The following IQSEC1 variants were observed in gnomAD, a reference collection of about 807,000 sequenced individuals.
IQSEC1 encodes the protein IQ motif and SEC7 domain-containing protein 1.
A neutral mutation model predicts 91.0 loss-of-function variants in IQSEC1; 31 were observed. That is an observed-to-expected ratio of 0.34 (90% CI 0.26 to 0.46). IQSEC1 has a LOEUF of 0.46. Among genes scored for constraint, IQSEC1 ranks in the 20% least tolerant of loss-of-function variants. The pLI, the probability that IQSEC1 is intolerant of heterozygous loss-of-function variation, is 1.00. For synonymous variants in IQSEC1, 699 were observed against 662.6 expected, an observed-to-expected ratio of 1.05 and a Z score of -0.84; for missense variants, 1,388 against 1,575.6, an observed-to-expected ratio of 0.88 and a Z score of 2.02.
At chr3:12,956,774 C>T (rs1400253798) in intron 1 of IQSEC1, among the ~76,000 whole-genome samples, 1 of 152,160 alleles carries the variant, frequency 6.6e-6, no homozygotes, top group Non-Finnish European at 1.5e-5. Flanking sequence ...TACGTGCAAT[C>T]GGGAGACCAG....
chr3:13,173,407 G>A (rs558125872), intron 1 of IQSEC1, among the ~76,000 whole-genome samples: 3 of 152,190 alleles, frequency 2.0e-5, no homozygotes, highest in African/African-American at 7.2e-5. Flanking sequence ...GCTCCCCCGG[G>A]GGCCTTGCTC....
chr3:13,087,150 A>G (rs1476959615), intron 2 of IQSEC1, among the ~76,000 whole-genome samples: 1 of 151,384 alleles, frequency 6.6e-6, no homozygotes, highest in Non-Finnish European at 1.5e-5. Flanking sequence ...TTCTTCCTAC[A>G]GTCTAAATCT....
rs1209684760 is a variant in IQSEC1, at chr3:13,008,843, C to T, written c.23+64149G>A. ...TCCAGCTAACCCAGTGGGAACCAGA[C>T]ACGCTGGCAAACCCCATCCCACGGG... is the stretch of plus-strand genomic sequence containing the variant. On this transcript the variant is annotated intron_variant, in intron 1 of 13. Transcript: ENST00000613206. The surrounding 1 kb of genome is among the most constrained non-coding windows in gnomAD (Gnocchi z 4.1). Among the ~76,000 whole-genome samples the T allele has an allele frequency of 6.6e-6, 1 of 152,236 alleles. No individual in the cohort carries two copies. Among genetic ancestry groups the T allele is most frequent in the Non-Finnish European group, 1.5e-5 (1 of 68,038 alleles).
chr3:13,084,608 C>T (rs1705704645), intron 2 of IQSEC1, among the ~76,000 whole-genome samples: 1 of 152,240 alleles, frequency 6.6e-6, no homozygotes, highest in African/African-American at 2.4e-5. Flanking sequence ...TCAACAGCAT[C>T]TGCCAGTCCC....
chr3:13,071,735 G>A (rs1198492538), intron 1 of IQSEC1, among the ~76,000 whole-genome samples: 1 of 151,804 alleles, frequency 6.6e-6, no homozygotes, highest in African/African-American at 2.4e-5. Flanking sequence ...AGAGGCCACC[G>A]CCATCCCCCA....
At position 13,178,700 on chromosome 3, in the gene IQSEC1, C is replaced by T. The variant is rs115765318; in HGVS notation, c.273-14567G>A. ...AAAGAAAGCAAACATGAGCACTAACCTACTCCAAATACTGGAAAAAGTAAC... is the reference window on the plus strand; with the variant it reads ...AAAGAAAGCAAACATGAGCACTAACTTACTCCAAATACTGGAAAAAGTAAC... On this transcript the variant is annotated intron_variant, in intron 1 of 15. Transcript: ENST00000648114. Among the ~76,000 whole-genome samples the T allele has an allele frequency of 5.1e-3, 776 of 152,342 alleles. 2 individuals are homozygous for T. Among genetic ancestry groups the T allele is most frequent in the Middle Eastern group, 0.017 (5 of 294 alleles).
chr3:13,118,833 C>G (rs1448960133), intron 2 of IQSEC1, among the ~76,000 whole-genome samples: 1 of 151,994 alleles, frequency 6.6e-6, no homozygotes, highest in Non-Finnish European at 1.5e-5. Flanking sequence ...CTCAGCACTT[C>G]GGGAGGCCAA....
chr3:12,913,361 G>A, intron 9 of IQSEC1, 67 bp downstream of exon 9: 1 of 1,496,244 alleles, frequency 6.7e-7, no homozygotes, highest in Non-Finnish European at 9.0e-7. Context: ...CACGCAGACA[G>A]CCAGACATGG....
At chr3:12,962,688 C>T (rs1373320776) in intron 1 of IQSEC1, among the ~76,000 whole-genome samples, 1 of 152,224 alleles carries the variant, frequency 6.6e-6, no homozygotes, top group East Asian at 1.9e-4. Flanking sequence ...GACCCTGCTC[C>T]AAGCAGAGTC....
At chr3:12,939,584 G>A (rs1388208446) in intron 2 of IQSEC1, among the ~76,000 whole-genome samples, 1 of 152,212 alleles carries the variant, frequency 6.6e-6, no homozygotes, top group African/African-American at 2.4e-5. Context: ...CTTTTGCTGA[G>A]CTTTCCAGGA....
chr3:13,196,672 A>T (rs1339919380), intron 1 of IQSEC1, among the ~76,000 whole-genome samples: 1 of 152,180 alleles, frequency 6.6e-6, no homozygotes, highest in East Asian at 1.9e-4. Context: ...TCCCTTTGCA[A>T]ATGAAAGGTA....
intron 1 of IQSEC1, among the ~76,000 whole-genome samples, chr3:13,034,073 C>A (rs932300472): frequency 4.6e-5 from 7 of 152,282 alleles, no homozygotes; most frequent in Non-Finnish European, 7.4e-5. Flanking sequence ...ACCTTATTTC[C>A]AAATACAGTC....
intron 12 of IQSEC1, among the ~76,000 whole-genome samples, chr3:12,906,485 A>G (rs1403293972): frequency 6.6e-6 from 1 of 152,020 alleles, no homozygotes; most frequent in African/African-American, 2.4e-5. Flanking sequence ...CTGGACTCAA[A>G]CCCCACCTCG....
intron 2 of IQSEC1, among the ~76,000 whole-genome samples, chr3:13,096,562 T>A (rs970830655): frequency 2.0e-5 from 3 of 151,958 alleles, no homozygotes; most frequent in Non-Finnish European, 4.4e-5. Context: ...ATGAGGTGAG[T>A]TTTGAAGGAT....
rs1351164196 is a variant in IQSEC1, at chr3:13,073,223, T to A, written c.-209A>T. On this transcript the variant is annotated 5_prime_UTR_variant, in exon 1 of 14. Coordinates refer to ENST00000613206, the MANE Select transcript of IQSEC1 (RefSeq NM_001134382.3). ...GCCAGCAGCGGGCTGTGGAGGGCCC[T>A]GGCACGTAGCGCGCGCTCACACCGT... is the stretch of plus-strand genomic sequence containing the variant. 9 of 621,230 alleles carry A rather than the reference T, an allele frequency of 1.4e-5. No homozygotes were observed. Among genetic ancestry groups the A allele is most frequent in the Non-Finnish European group, 5.7e-6 (2 of 352,208 alleles). The allele number at this position is 621,230 out of a possible 1,614,324, so 38.5% of individuals were successfully genotyped here.
rs1056840887 is a variant in IQSEC1 at position 12,935,237 on chromosome 3, T to C, written c.1568+211A>G. ...ATTCTGCCCCTGCTCAGCCTGTGTG[T>C]GTTGCCATCCCCACCAGCAGTCCCA... On this transcript the variant is annotated intron_variant, in intron 3 of 13. Coordinates refer to ENST00000613206, the MANE Select transcript of IQSEC1 (RefSeq NM_001134382.3). This position sits in a 1 kb window ranked among gnomAD's most constrained non-coding sequence, Gnocchi z 8.0. Among the ~76,000 whole-genome samples the C allele has an allele frequency of 6.6e-6, 1 of 152,236 alleles. No homozygotes were observed. The highest frequency in any genetic ancestry group is 2.4e-5 in the African/African-American group (1 of 41,456).
chr3:12,950,954 T>G (rs533716304), intron 1 of IQSEC1, among the ~76,000 whole-genome samples: 1 of 152,190 alleles, frequency 6.6e-6, no homozygotes, highest in South Asian at 2.1e-4. Context: ...CCAAAAAAAT[T>G]TTTTAAATAG....
intron 1 of IQSEC1, among the ~76,000 whole-genome samples, chr3:12,953,295 C>T (rs933986444): frequency 2.6e-5 from 4 of 152,236 alleles, no homozygotes; most frequent in Admixed American, 6.5e-5. Flanking sequence ...CGACCCGATC[C>T]GCGAGGGACA....
intron 2 of IQSEC1, among the ~76,000 whole-genome samples, chr3:13,145,929 TG>T (rs1366017458): frequency 3.3e-5 from 5 of 151,606 alleles, no homozygotes; most frequent in Non-Finnish European, 5.9e-5. Context: ...CAGAGAGCCA[TG>T]GTATGGGTGC....
Sources: gnomAD v4.1 joint callset for allele counts (sites outside exome capture counted in the v4.1 genomes callset) on GRCh38, gnomAD v4.1.1 for gene constraint, Gnocchi (gnomAD v3.1) non-coding constraint, MANE v1.5 for transcripts, NCBI Gene and HGNC (gene_info 2026-07-23, HGNC 2026-07-21) for gene names.